The following PPP1R9A variants were observed in gnomAD, a reference collection of about 807,000 sequenced individuals.
The protein encoded by PPP1R9A is protein phosphatase 1 regulatory subunit 9A.
In PPP1R9A, 59 loss-of-function variants were observed where a neutral mutation model predicts 141.9. The observed-to-expected ratio is 0.42, with a 90% CI of 0.34 to 0.52. The LOEUF (loss-of-function observed/expected upper bound fraction) is 0.52. Ranked by LOEUF, PPP1R9A falls within the 20% of genes least tolerant of loss-of-function variation. PPP1R9A has a pLI of 0.10. For missense variants in PPP1R9A, 1,444 were observed against 1,611.9 expected (o/e 0.90, Z 1.78); for synonymous variants, 500 against 569.7 (o/e 0.88, Z 1.74).
chr7:95,198,375 G>A lies in PPP1R9A; in HGVS notation c.1781G>A (p.Gly594Glu), dbSNP rs766701948. ...TTTGTTATTGGGCGGGAAAAACCAG[G>A]ACAAGTGAGCGAGGTTGCCCAGTTG... ...VRFVIGREKPGQVSEVAQLIS... is the reference protein window; with the variant it reads ...VRFVIGREKPEQVSEVAQLIS... The change falls in exon 6 of 20, where the codon GGA becomes GAA. Residue 594 changes from glycine (G) to glutamate (E), a missense_variant. By Grantham distance (98) the Gly-to-Glu change is moderately conservative (BLOSUM62 -2). Around this residue, in one of 5 missense-constraint regions of PPP1R9A, gnomAD observed 488 missense variants for 542.0 expected, o/e 0.90. Coordinates refer to ENST00000433360, the MANE Select transcript of PPP1R9A (RefSeq NM_001166160.2). The A allele has an allele frequency of 5.0e-6, 8 of 1,610,974 alleles. No individual in the cohort carries two copies. Among genetic ancestry groups the A allele is most frequent in the Admixed American group, 1.7e-5 (1 of 59,048 alleles).
intron 4 of PPP1R9A, among the ~76,000 whole-genome samples, chr7:95,153,415 TC>T (rs936159694): frequency 6.6e-6 from 1 of 152,198 alleles, no homozygotes; most frequent in African/African-American, 2.4e-5. Context: ...TACTTTTTTA[TC>T]ATTTTAAGCT....
chr7:95,161,440 G>C (rs1237552360), intron 4 of PPP1R9A, among the ~76,000 whole-genome samples: 2 of 152,094 alleles, frequency 1.3e-5, no homozygotes. Context: ...GAATCCACAG[G>C]TGATTCTTTG....
At chr7:94,973,051 C>G (rs940149020) in intron 2 of PPP1R9A, among the ~76,000 whole-genome samples, 1 of 152,084 alleles carries the variant, frequency 6.6e-6, no homozygotes, top group African/African-American at 2.4e-5. Context: ...GAAATTACTT[C>G]GTACTTTTCC....
At chr7:95,144,685 C>G (rs948289094) in intron 4 of PPP1R9A, among the ~76,000 whole-genome samples, 5 of 152,098 alleles carry the variant, frequency 3.3e-5, no homozygotes, top group African/African-American at 1.2e-4. Context: ...AGGGATAAGA[C>G]ACAGATACTC....
rs1029619588 is a variant in PPP1R9A at position 95,295,093 on chromosome 7, G to A, written c.*4790G>A. 6.6e-6 allele frequency: 1 copy of A among 152,290 alleles called. No homozygotes were observed. The highest frequency in any genetic ancestry group is 2.1e-4 in the South Asian group (1 of 4,806). 9.4% of individuals were successfully genotyped at this position (152,290 alleles called of 1,614,324 possible). ...TGTGTAGATGTTCAGAACTACATAT[G>A]TGTGAATATCACTCCCACCTTACAC... is the stretch of plus-strand genomic sequence containing the variant. On this transcript the variant is annotated 3_prime_UTR_variant, in exon 20 of 20. Coordinates refer to ENST00000433360, the MANE Select transcript of PPP1R9A (RefSeq NM_001166160.2).
chr7:95,115,198 T>C (rs1821267710), intron 3 of PPP1R9A, among the ~76,000 whole-genome samples: 1 of 152,258 alleles, frequency 6.6e-6, no homozygotes, highest in African/African-American at 2.4e-5. Context: ...AGTAAACTTA[T>C]GCAAATTAGG....
chr7:95,172,481 G>A (rs1832268782), intron 5 of PPP1R9A, among the ~76,000 whole-genome samples: 1 of 151,732 alleles, frequency 6.6e-6, no homozygotes, highest in Non-Finnish European at 1.5e-5. Context: ...AAATCAGAGT[G>A]TATATACTAT....
chr7:94,971,129 G>GT (rs931610179), intron 2 of PPP1R9A, among the ~76,000 whole-genome samples: 4 of 152,186 alleles, frequency 2.6e-5, no homozygotes, highest in African/African-American at 9.7e-5. Context: ...AGCAATACTT[G>GT]TAAGTCAACC....
chr7:95,096,650 T>G (rs1229271969), intron 2 of PPP1R9A, among the ~76,000 whole-genome samples: 1 of 152,194 alleles, frequency 6.6e-6, no homozygotes, highest in Non-Finnish European at 1.5e-5. Flanking sequence ...ATGTGGATTT[T>G]ACTCACAAAA....
At chr7:95,036,537 T>C (rs1351430559) in intron 2 of PPP1R9A, 1 of 152,214 alleles carries the variant, frequency 6.6e-6, no homozygotes, top group Non-Finnish European at 1.5e-5. Context: ...CTCCTCTTGC[T>C]GCAATCCAGT....
chr7:95,006,486 C>T (rs1172411740), intron 2 of PPP1R9A, among the ~76,000 whole-genome samples: 1 of 152,050 alleles, frequency 6.6e-6, no homozygotes, highest in Admixed American at 6.6e-5. Flanking sequence ...GCTGGAATTA[C>T]AGGCGTGAAC....
intron 7 of PPP1R9A, among the ~76,000 whole-genome samples, chr7:95,216,673 G>C (rs1012852772): frequency 6.6e-6 from 1 of 152,124 alleles, no homozygotes; most frequent in African/African-American, 2.4e-5. Context: ...CCTTGGGGAG[G>C]TCCTTCACAT....
intron 2 of PPP1R9A, 101 bp from the exon 3 acceptor site, chr7:95,111,158 G>T: frequency 8.1e-7 from 1 of 1,239,364 alleles, no homozygotes. Context: ...CAGTTGTTTA[G>T]AAGAAATTCA....
At chr7:95,123,242 A>C (rs1382915855) in intron 4 of PPP1R9A, among the ~76,000 whole-genome samples, 1 of 152,218 alleles carries the variant, frequency 6.6e-6, no homozygotes, top group African/African-American at 2.4e-5. Flanking sequence ...CTGCTTTACC[A>C]GTCCCAGTGT....
chr7:95,117,817 G>A (rs142701015), intron 3 of PPP1R9A, among the ~76,000 whole-genome samples: 219 of 152,270 alleles, frequency 1.4e-3, no homozygotes, highest in African/African-American at 5.2e-3. Flanking sequence ...AAGTGAGCAA[G>A]AATTCAGCCA....
intron 2 of PPP1R9A, among the ~76,000 whole-genome samples, chr7:95,059,010 G>T (rs548768712): frequency 2.0e-4 from 31 of 151,958 alleles, no homozygotes; most frequent in African/African-American, 6.8e-4. Context: ...GGCTGGTCTC[G>T]AACTCCTGAC....
intron 2 of PPP1R9A, among the ~76,000 whole-genome samples, chr7:94,949,927 T>A (rs1796285184): frequency 6.6e-6 from 1 of 150,596 alleles, no homozygotes; most frequent in African/African-American, 2.5e-5. Flanking sequence ...TTTTTTTGAA[T>A]GGTCACTTTT....
intron 2 of PPP1R9A, among the ~76,000 whole-genome samples, chr7:94,922,346 A>C (rs1426948474): frequency 6.6e-6 from 1 of 151,940 alleles, no homozygotes; most frequent in Non-Finnish European, 1.5e-5. Flanking sequence ...AACTGTTATA[A>C]TTTCTACTTG....
rs572620893 is a variant in PPP1R9A, at chr7:95,196,671, A to G, written c.1755-1678A>G. 2.0e-5 allele frequency among the ~76,000 whole-genome samples: 3 copies of G among 152,274 alleles called. No individual in the cohort carries two copies. The South Asian group carries it at 6.2e-4, about 32-fold the overall frequency. ...CTTACAGCAACATGGATAAACCTCC[A>G]AATCATTGTGGTGAGCAAAACAAGC... On this transcript the variant is annotated intron_variant, in intron 5 of 19. Coordinates refer to ENST00000433360, the MANE Select transcript of PPP1R9A (RefSeq NM_001166160.2).
Sources: gnomAD v4.1 joint callset for allele counts (sites outside exome capture counted in the v4.1 genomes callset) on GRCh38, gnomAD v4.1.1 for gene constraint, gnomAD v4.1.1 regional missense constraint, MANE v1.5 for transcripts, NCBI Gene and HGNC (gene_info 2026-07-23, HGNC 2026-07-21) for gene names.